Variants in MAML3 observed in about 807,000 individuals in gnomAD.
The protein encoded by MAML3 is mastermind like transcriptional coactivator 3.
In MAML3, 27 loss-of-function variants were observed where a neutral mutation model predicts 101.9. The ratio of observed to expected loss-of-function variants is 0.27; its 90% CI spans 0.20 to 0.37. The LOEUF (loss-of-function observed/expected upper bound fraction) is 0.37, where lower values mean the gene tolerates loss of function less well. MAML3 is among the 10% of genes least tolerant of loss of function. MAML3 has a pLI of 1.00. For missense variants in MAML3, 1,316 were observed against 1,444.9 expected, an observed-to-expected ratio of 0.91 and a Z score of 1.45; for synonymous variants, 501 against 555.9, an observed-to-expected ratio of 0.90 and a Z score of 1.39.
chr4:140,089,918 C>T (rs1728015960), intron 1 of MAML3, among the ~76,000 whole-genome samples: 1 of 152,202 alleles, frequency 6.6e-6, no homozygotes. Context: ...CCACCGCACC[C>T]TACCCTATGT....
chr4:139,797,783 A>G (rs1186147874), intron 2 of MAML3, among the ~76,000 whole-genome samples: 1 of 152,110 alleles, frequency 6.6e-6, no homozygotes, highest in Non-Finnish European at 1.5e-5. Context: ...AAGATGTAAC[A>G]CCCAGTGCAA....
intron 1 of MAML3, among the ~76,000 whole-genome samples, chr4:139,919,372 CAAAGTT>C (rs1394656289): frequency 6.6e-6 from 1 of 152,210 alleles, no homozygotes; most frequent in African/African-American, 2.4e-5. Context: ...CTTTTTATCT[CAAAGTT>C]AAATCCCATT....
rs566256165 is a variant in MAML3 at position 140,024,556 on chromosome 4, G to A, written c.468+128304C>T. ...GCTGGGATTACAGGCATAAGCCACT[G>A]AGCCCGGCCCAGAGTCAAGATTTGA... is the stretch of plus-strand genomic sequence containing the variant. On this transcript the variant is annotated intron_variant, in intron 1 of 4. Coordinates refer to ENST00000509479, the MANE Select transcript of MAML3 (RefSeq NM_018717.5). Among the ~76,000 whole-genome samples the A allele has an allele frequency of 7.2e-5, 11 of 152,266 alleles. No individual in the cohort carries two copies. In the South Asian group the frequency reaches 2.3e-3, roughly 32 times the overall value.
chr4:140,127,440 A>AT (rs1366443322), intron 1 of MAML3, among the ~76,000 whole-genome samples: 1 of 152,166 alleles, frequency 6.6e-6, no homozygotes, highest in Non-Finnish European at 1.5e-5. Context: ...TGTGGAGGGA[A>AT]TTTGGACTCA....
At chr4:139,954,391 G>T (rs1037040036) in intron 1 of MAML3, among the ~76,000 whole-genome samples, 2 of 152,152 alleles carry the variant, frequency 1.3e-5, no homozygotes, top group African/African-American at 4.8e-5. Context: ...AGAAAAGGTG[G>T]GATAGAAAAC....
intron 2 of MAML3, among the ~76,000 whole-genome samples, chr4:139,798,034 G>GAGAGAGAGAGAAAGAAAGAAAGAAAGAA (rs1308897622): frequency 6.4e-5 from 8 of 124,470 alleles, no homozygotes; most frequent in Admixed American, 1.8e-4. Context: ...AGGAGAGAGA[G>GAGAGAGAGAGAAAGAAAGAAAGAAAGAA]AGAAAGAAAG....
At chr4:139,907,418 A>G (rs1732839703) in intron 1 of MAML3, among the ~76,000 whole-genome samples, 1 of 152,232 alleles carries the variant, frequency 6.6e-6, no homozygotes, top group African/African-American at 2.4e-5. Context: ...CTTGGCAGGT[A>G]GTTACCAAAT....
At chr4:139,944,019 C>A (rs888547109) in intron 1 of MAML3, among the ~76,000 whole-genome samples, 1 of 151,488 alleles carries the variant, frequency 6.6e-6, no homozygotes, top group African/African-American at 2.4e-5. Context: ...TACAGGCGTG[C>A]GCCACCACAC....
chr4:139,980,572 C>T (rs1034881528), intron 1 of MAML3, among the ~76,000 whole-genome samples: 5 of 152,192 alleles, frequency 3.3e-5, no homozygotes, highest in Admixed American at 3.3e-4. Flanking sequence ...CTTAGGAAGA[C>T]TCATAAAGGT....
intron 1 of MAML3, among the ~76,000 whole-genome samples, chr4:140,016,548 T>G (rs796110971): frequency 2.0e-5 from 3 of 152,296 alleles, no homozygotes; most frequent in African/African-American, 7.2e-5. Flanking sequence ...TATATAGTTA[T>G]GGTAATCAAG....
chr4:140,084,566 T>G (rs565881381), intron 1 of MAML3, among the ~76,000 whole-genome samples: 10 of 152,320 alleles, frequency 6.6e-5, no homozygotes, highest in Admixed American at 1.3e-4. Flanking sequence ...TGAGTATTTA[T>G]GTCTCAGATT....
In MAML3 at chr4:139,768,222, TTGTGTGTGTGTG is replaced by T. The variant is rs34182828; in HGVS notation, c.2080-37567_2080-37556del. On this transcript the variant is annotated intron_variant, in intron 2 of 4. Coordinates refer to ENST00000509479, the MANE Select transcript of MAML3 (RefSeq NM_018717.5). ...GGTTGTCTCTTTACTCTGTTGATAG[TTGTGTGTGTGTG>T]TGTGTGTGTGTGTGTGTGTGTGTGT... 2.3e-3 allele frequency among the ~76,000 whole-genome samples: 308 copies of T among 136,434 alleles called. 2 individuals carry two copies. The highest frequency in any genetic ancestry group is 0.014 in the South Asian group (55 of 3,872). The allele number at this position is 136,434 out of a possible 152,430, so 89.5% of individuals were successfully genotyped here.
intron 2 of MAML3, among the ~76,000 whole-genome samples, chr4:139,767,216 C>T (rs557291408): frequency 5.1e-4 from 78 of 152,266 alleles, no homozygotes; most frequent in African/African-American, 1.7e-3. Flanking sequence ...CAGCTTGGCA[C>T]GGAATCTCTT....
intron 1 of MAML3, among the ~76,000 whole-genome samples, chr4:139,915,244 GTTAACA>G (rs1314026823): frequency 6.6e-6 from 1 of 152,170 alleles, no homozygotes; most frequent in Non-Finnish European, 1.5e-5. Flanking sequence ...ACAGCAGCAG[GTTAACA>G]CAGCCTCTTG....
rs1309403069 is a variant in MAML3 at position 140,070,208 on chromosome 4, T to C, written c.468+82652A>G. 2.6e-5 allele frequency among the ~76,000 whole-genome samples: 4 copies of C among 152,332 alleles called. 1 individual carries two copies. In the East Asian group the frequency reaches 5.8e-4, roughly 22 times the overall value. ...ACAAGGACACTGTCTTGGTCACCAC[T>C]GCATTTCTGATTCCAGCTTCAATAT... On this transcript the variant is annotated intron_variant, in intron 1 of 4. Coordinates refer to ENST00000509479, the MANE Select transcript of MAML3 (RefSeq NM_018717.5).
At chr4:139,781,465 T>C (rs1019437183) in intron 2 of MAML3, among the ~76,000 whole-genome samples, 5 of 149,682 alleles carry the variant, frequency 3.3e-5, no homozygotes, top group Non-Finnish European at 5.9e-5. Context: ...TATTACTAGA[T>C]TGTTGTGGTA....
At chr4:140,150,962 G>C (rs934031892) in intron 1 of MAML3, among the ~76,000 whole-genome samples, 4 of 152,030 alleles carry the variant, frequency 2.6e-5, no homozygotes, top group East Asian at 3.9e-4. Flanking sequence ...CTTCGCGCTC[G>C]GGGCAGGCTC....
At chr4:139,878,373 C>T (rs1390886453) in intron 2 of MAML3, among the ~76,000 whole-genome samples, 3 of 152,276 alleles carry the variant, frequency 2.0e-5, no homozygotes, top group South Asian at 2.1e-4. Context: ...TCCCTTGTAT[C>T]GCCCTTATCT....
chr4:140,045,595 G>C (rs1190800371), intron 1 of MAML3, among the ~76,000 whole-genome samples: 1 of 151,886 alleles, frequency 6.6e-6, no homozygotes, highest in African/African-American at 2.4e-5. Context: ...CCTGTGGTTG[G>C]ACATCTATGC....
Sources: gnomAD v4.1 joint callset for allele counts (sites outside exome capture counted in the v4.1 genomes callset) on GRCh38, gnomAD v4.1.1 for gene constraint, MANE v1.5 for transcripts, NCBI Gene and HGNC (gene_info 2026-07-23, HGNC 2026-07-21) for gene names.